The following EPB41L2 variants were observed in gnomAD, a reference collection of about 807,000 sequenced individuals.
The protein encoded by EPB41L2 is band 4.1-like protein 2.
In EPB41L2, 43 loss-of-function variants were observed where a neutral mutation model predicts 113.0. That is an observed-to-expected ratio of 0.38 (90% CI 0.30 to 0.49). EPB41L2 has a LOEUF of 0.49. EPB41L2 is among the 20% of genes least tolerant of loss of function. EPB41L2 has a pLI of 0.95. For synonymous variants in EPB41L2, 442 were observed against 436.7 expected, an observed-to-expected ratio of 1.01 and a Z score of -0.15; for missense variants, 1,147 against 1,223.4, an observed-to-expected ratio of 0.94 and a Z score of 0.93.
In EPB41L2 at chr6:130,869,684, A is replaced by G; in HGVS notation, c.2486T>C (p.Val829Ala). 1 of 1,614,056 alleles carries G rather than the reference A, an allele frequency of 6.2e-7. No homozygotes were observed. The highest frequency in any genetic ancestry group is 1.1e-5 in the South Asian group (1 of 91,064). ...GTCTTGCTTAAGAGCGCCTTCGTGT[A>G]CACTCTTCTCTCCGGGTATCTTTTG... ...GAQKIPGEKS[V>A]HEGALKQDMG... Residue 829 changes from valine (V) to alanine (A), a missense_variant, in exon 15 of 20, where the codon GTA becomes GCA. Coordinates refer to ENST00000337057, the MANE Select transcript of EPB41L2 (RefSeq NM_001431.4).
intron 1 of EPB41L2, among the ~76,000 whole-genome samples, chr6:131,011,100 T>C (rs952604154): frequency 1.3e-5 from 2 of 152,234 alleles, no homozygotes; most frequent in Admixed American, 6.5e-5. Context: ...ATTTAGCGAC[T>C]GGCTATTATG....
Position 130,956,027 on chromosome 6 carries a change from T to C in EPB41L2, c.459A>G (p.Glu153=), listed in dbSNP as rs772032451. The change falls in exon 2 of 20, where the codon GAA becomes GAG. Residue 153 remains glutamate (E), a synonymous_variant. Transcript: ENST00000337057. ...VKEEKPSVSK[E]EKPSVSKVEM... is the part of the protein sequence containing the mutation. ...CCACTTTGCTCACTGAGGGTTTTTC[T>C]TCCTTGCTCACTGAGGGTTTTTCTT... is the stretch of plus-strand genomic sequence containing the variant. 1.1e-5 allele frequency: 17 copies of C among 1,612,690 alleles called. No homozygotes were observed. The highest frequency in any genetic ancestry group is 1.3e-5 in the African/African-American group (1 of 74,778).
At chr6:131,014,240 CTTCAG>C (rs952522540) in intron 1 of EPB41L2, 24 of 152,244 alleles carry the variant, frequency 1.6e-4, no homozygotes, top group African/African-American at 5.5e-4. Flanking sequence ...CATTTTTCTC[CTTCAG>C]TTATTTAAGG....
At chr6:130,904,400 C>T in intron 6 of EPB41L2, 65 bp downstream of exon 6, 2 of 1,177,706 alleles carry the variant, frequency 1.7e-6, no homozygotes, top group Non-Finnish European at 2.5e-6. Context: ...CACTATGCTC[C>T]CAGGGCACAA....
chr6:130,906,827 G>C (rs546767369), intron 5 of EPB41L2, among the ~76,000 whole-genome samples: 52 of 152,274 alleles, frequency 3.4e-4, no homozygotes, highest in Non-Finnish European at 7.2e-4. Flanking sequence ...AGATACAACT[G>C]CTAAAGCTTC....
intron 3 of EPB41L2, among the ~76,000 whole-genome samples, chr6:130,941,823 C>T (rs7747881): frequency 0.072 from 10,973 of 152,208 alleles, 618 homozygotes; most frequent in African/African-American, 0.14. Context: ...CAGAATGGAG[C>T]TTGTGCCCTC....
At chr6:130,905,792 T>C (rs1455339060) in intron 5 of EPB41L2, among the ~76,000 whole-genome samples, 1 of 152,200 alleles carries the variant, frequency 6.6e-6, no homozygotes, top group Non-Finnish European at 1.5e-5. Context: ...AAAAATTCCT[T>C]GAATCCCATT....
intron 14 of EPB41L2, among the ~76,000 whole-genome samples, chr6:130,870,788 G>A (rs139794976): frequency 3.1e-4 from 47 of 151,446 alleles, no homozygotes; most frequent in Admixed American, 8.5e-4. Context: ...CAGCACCAAG[G>A]AGATGGCACT....
chr6:130,935,847 G>A (rs892805552), intron 3 of EPB41L2, among the ~76,000 whole-genome samples: 1 of 152,048 alleles, frequency 6.6e-6, no homozygotes, highest in Admixed American at 6.6e-5. Context: ...GTATGCAGAA[G>A]GCTATTCCAG....
intron 6 of EPB41L2, among the ~76,000 whole-genome samples, chr6:130,903,655 T>A (rs1431208915): frequency 1.4e-5 from 2 of 148,032 alleles, no homozygotes; most frequent in Non-Finnish European, 3.0e-5. Flanking sequence ...TTTAAAAATA[T>A]GGTATATAAA....
chr6:130,910,458 T>C (rs896185300), intron 4 of EPB41L2, among the ~76,000 whole-genome samples: 10 of 152,308 alleles, frequency 6.6e-5, no homozygotes, highest in Admixed American at 3.9e-4. Flanking sequence ...ATTCAGGACA[T>C]AGGCATGGGC....
chr6:130,975,326 G>C lies in EPB41L2; in HGVS notation c.-14-18827C>G, dbSNP rs536147183. Among the ~76,000 whole-genome samples the C allele has an allele frequency of 1.6e-3, 247 of 152,326 alleles. 4 individuals carry two copies. The Middle Eastern group carries it at 0.024, about 15-fold the overall frequency. Reference sequence around the variant, plus strand: ...TAATTTTAAAATATTCAAGGAAGTTGGTTAAGGTTAGGAGGGGAACACTTT... The same window carrying C: ...TAATTTTAAAATATTCAAGGAAGTTCGTTAAGGTTAGGAGGGGAACACTTT... On this transcript the variant is annotated intron_variant, in intron 1 of 19. Transcript: ENST00000337057.
chr6:131,009,178 T>C (rs1786316021), intron 1 of EPB41L2, among the ~76,000 whole-genome samples: 2 of 152,130 alleles, frequency 1.3e-5, no homozygotes, highest in African/African-American at 4.8e-5. Flanking sequence ...ACAGGGGCAG[T>C]TCCCCAAGCT....
chr6:130,869,875 G>T lies in EPB41L2; in HGVS notation c.2295C>A (p.Gly765=), dbSNP rs2128447774. Residue 765 remains glycine, a synonymous_variant, in exon 15 of 20, where the codon GGC becomes GGA. Coordinates refer to ENST00000337057, the MANE Select transcript of EPB41L2 (RefSeq NM_001431.4). ...EYRPHHRVTE[G]TIREEQEYEE... ...CATACTCCTGTTCCTCCCTGATGGT[G>T]CCCTCGGTCACTCGGTGGTGGGGAC... 3 of 1,613,024 alleles carry T rather than the reference G, an allele frequency of 1.9e-6. No homozygotes were observed. The highest frequency in any genetic ancestry group is 2.2e-5 in the South Asian group (2 of 91,024).
intron 1 of EPB41L2, among the ~76,000 whole-genome samples, chr6:130,983,485 G>A (rs577490554): frequency 3.8e-4 from 58 of 151,114 alleles, no homozygotes; most frequent in Non-Finnish European, 7.5e-4. Context: ...AAATTTTTAC[G>A]GCATGTTACT....
chr6:130,988,339 C>T (rs539543583), intron 1 of EPB41L2, among the ~76,000 whole-genome samples: 106 of 152,258 alleles, frequency 7.0e-4, no homozygotes, highest in Non-Finnish European at 1.2e-3. Context: ...AGTGATGTAA[C>T]ACCTAAATTC....
intron 1 of EPB41L2, among the ~76,000 whole-genome samples, chr6:131,027,323 C>A (rs1386133967): frequency 1.3e-5 from 2 of 152,100 alleles, no homozygotes; most frequent in African/African-American, 2.4e-5. Flanking sequence ...AACAGCAAGC[C>A]TTACAAGTTA....
intron 1 of EPB41L2, chr6:131,000,655 A>G (rs916989137): frequency 2.6e-5 from 4 of 152,184 alleles, no homozygotes; most frequent in African/African-American, 9.7e-5. Flanking sequence ...TAAACCATAG[A>G]TCTCCTCAGA....
At chr6:131,027,566 G>C (rs1791167435) in intron 1 of EPB41L2, among the ~76,000 whole-genome samples, 1 of 152,262 alleles carries the variant, frequency 6.6e-6, no homozygotes, top group East Asian at 1.9e-4. Context: ...AAAGATACAA[G>C]GCCAATGCTT....
Sources: gnomAD v4.1 joint callset for allele counts (sites outside exome capture counted in the v4.1 genomes callset) on GRCh38, gnomAD v4.1.1 for gene constraint, MANE v1.5 for transcripts, NCBI Gene and HGNC (gene_info 2026-07-23, HGNC 2026-07-21) for gene names.